CELF2: variants seen among roughly 807,000 people sequenced by gnomAD.
CELF2 encodes CUGBP Elav-like family member 2.
CELF2 carries 8 observed loss-of-function variants against 62.6 expected under a neutral mutation model. That is an observed-to-expected ratio of 0.13 (90% confidence interval 0.07 to 0.23). The LOEUF (loss-of-function observed/expected upper bound fraction) is 0.23, where lower values mean the gene tolerates loss of function less well. Ranked by LOEUF, CELF2 falls within the 10% of genes least tolerant of loss-of-function variation. CELF2 has a pLI of 1.00. For missense variants in CELF2, 333 were observed against 671.0 expected, an observed-to-expected ratio of 0.50 and a Z score of 5.56; for synonymous variants, 258 against 250.0, an observed-to-expected ratio of 1.03 and a Z score of -0.30.
At chr10:10,816,664 A>G (rs144746429) in intron 1 of CELF2, among the ~76,000 whole-genome samples, 1 of 152,354 alleles carries the variant, frequency 6.6e-6, no homozygotes, top group Non-Finnish European at 1.5e-5. Flanking sequence ...CATTCTTCAG[A>G]TGGGCCTTGG....
chr10:10,777,398 C>T, the CELF2 span, among the ~76,000 whole-genome samples: 4 of 152,204 alleles, frequency 2.6e-5, no homozygotes, highest in African/African-American at 9.7e-5. Context: ...TGCTTTCTGT[C>T]TTGAATGATG....
chr10:10,634,273 TC>T, the CELF2 span, among the ~76,000 whole-genome samples: 1 of 152,162 alleles, frequency 6.6e-6, no homozygotes, highest in African/African-American at 2.4e-5. Flanking sequence ...TATGCATATA[TC>T]TCATTAATAT....
At chr10:11,067,268 G>A (rs1473040000) in intron 1 of CELF2, among the ~76,000 whole-genome samples, 2 of 152,188 alleles carry the variant, frequency 1.3e-5, no homozygotes, top group Non-Finnish European at 2.9e-5. Flanking sequence ...AAAACACTGG[G>A]CTTACGTTAA....
the CELF2 span, among the ~76,000 whole-genome samples, chr10:10,644,187 C>G: frequency 2.0e-5 from 3 of 152,128 alleles, no homozygotes; most frequent in Non-Finnish European, 4.4e-5. Context: ...ATCTGTACTG[C>G]CTGACACTGG....
At chr10:10,622,741 G>C in the CELF2 span, among the ~76,000 whole-genome samples, 620 of 151,826 alleles carry the variant, frequency 4.1e-3, 4 homozygotes, top group African/African-American at 0.014. Flanking sequence ...GTGAAGGAGA[G>C]GAGTGCAGAC....
chr10:10,975,462 T>G (rs930098261), intron 2 of CELF2, among the ~76,000 whole-genome samples: 2 of 152,170 alleles, frequency 1.3e-5, no homozygotes, highest in Admixed American at 6.5e-5. Flanking sequence ...TTGATTTTCT[T>G]TGATGAAAGA....
At chr10:10,612,802 A>G in the CELF2 span, among the ~76,000 whole-genome samples, 1 of 152,198 alleles carries the variant, frequency 6.6e-6, no homozygotes, top group Admixed American at 6.5e-5. Flanking sequence ...TATCAGGCCC[A>G]TGTAATTTAA....
intron 9 of CELF2, among the ~76,000 whole-genome samples, chr10:11,308,656 A>T (rs935459939): frequency 6.6e-6 from 1 of 152,224 alleles, no homozygotes; most frequent in African/African-American, 2.4e-5. Flanking sequence ...TTCAGGTCAC[A>T]TTTATTTATT....
chr10:11,005,255 GGAGAGAGAGAGAGAGA>G (rs529664321), upstream of CELF2: 64 of 1,177,346 alleles, frequency 5.4e-5, no homozygotes, highest in South Asian at 8.8e-5. The surrounding 1 kb of genome is among the most constrained non-coding windows in gnomAD (Gnocchi z 4.3). Context: ...AGAGAGAGAG[GGAGAGAGAGAGAGAGA>G]GAGAGAGAGA....
At chr10:10,523,994 C>T in the CELF2 span, among the ~76,000 whole-genome samples, 1 of 152,182 alleles carries the variant, frequency 6.6e-6, no homozygotes, top group Non-Finnish European at 1.5e-5. Flanking sequence ...TATAGATAAA[C>T]TGTATGTGTT....
rs1288971648 is a variant in CELF2 at position 11,269,198 on chromosome 10, A to G, written c.619-1468A>G. On this transcript the variant is annotated intron_variant, in intron 6 of 12. Coordinates refer to ENST00000633077, the MANE Select transcript of CELF2 (RefSeq NM_001326342.2). The surrounding 1 kb of genome is among the most constrained non-coding windows in gnomAD (Gnocchi z 4.4). ...CATGGAACAGATACAGAAAAAAATG[A>G]ATTACAGATTTTTTTAAATGATGGA... Among the ~76,000 whole-genome samples, 2 of 152,196 alleles carry G rather than the reference A, an allele frequency of 1.3e-5. No homozygotes were observed. The highest frequency in any genetic ancestry group is 3.8e-4 in the East Asian group (2 of 5,206).
chr10:10,515,518 G>T, the CELF2 span, among the ~76,000 whole-genome samples: 3 of 152,176 alleles, frequency 2.0e-5, no homozygotes, highest in Admixed American at 2.0e-4. Flanking sequence ...AAGACCGAGT[G>T]ATCCTGAGAG....
chr10:10,736,326 G>C, the CELF2 span, among the ~76,000 whole-genome samples: 23,365 of 149,890 alleles, frequency 0.16, 2,028 homozygotes, highest in Non-Finnish European at 0.18. Flanking sequence ...GGCTTGTGGG[G>C]TTTGTTTGTT....
At position 11,319,665 on chromosome 10, in the gene CELF2, C is replaced by T; in HGVS notation, c.1097-1524C>T. On this transcript the variant is annotated intron_variant, in intron 10 of 12. Coordinates refer to ENST00000633077, the MANE Select transcript of CELF2 (RefSeq NM_001326342.2). The surrounding 1 kb of genome is among the most constrained non-coding windows in gnomAD (Gnocchi z 4.4). ...GCCTGCACTCAGGAGGCTGCCACTC[C>T]ATTCTCACGCCATTCACACTCGTCT... 2.4e-6 allele frequency: 1 copy of T among 419,322 alleles called. No homozygotes were observed. The allele number at this position is 419,322 out of a possible 1,614,324, so 26.0% of individuals were successfully genotyped here. A position where few individuals can be genotyped will look rare whatever the true frequency, so the allele number is the denominator to read the frequency against.
chr10:11,163,429 A>G (rs779072643), intron 1 of CELF2, among the ~76,000 whole-genome samples: 1 of 152,192 alleles, frequency 6.6e-6, no homozygotes, highest in Non-Finnish European at 1.5e-5. Flanking sequence ...CTGTACTGCA[A>G]GGGGCTCCAC....
intron 2 of CELF2, among the ~76,000 whole-genome samples, chr10:10,971,954 T>C (rs1216739878): frequency 6.6e-6 from 1 of 152,170 alleles, no homozygotes; most frequent in Non-Finnish European, 1.5e-5. Flanking sequence ...ATAAAATAGG[T>C]ATATAATTAA....
At chr10:10,668,782 AC>A in the CELF2 span, among the ~76,000 whole-genome samples, 4 of 151,974 alleles carry the variant, frequency 2.6e-5, no homozygotes, top group African/African-American at 9.7e-5. Context: ...ACATGATGAA[AC>A]CCTGTCTCTA....
chr10:11,070,702 G>A (rs1020292319), intron 1 of CELF2, among the ~76,000 whole-genome samples: 2 of 152,154 alleles, frequency 1.3e-5, no homozygotes, highest in Admixed American at 6.5e-5. Flanking sequence ...CTGAAGAGAC[G>A]ATGAGCTTGT....
the CELF2 span, among the ~76,000 whole-genome samples, chr10:10,648,807 A>C: frequency 6.6e-6 from 1 of 152,216 alleles, no homozygotes; most frequent in African/African-American, 2.4e-5. Context: ...TTATCCCAAA[A>C]TATTAGAGCA....
Sources: gnomAD v4.1 joint callset for allele counts (sites outside exome capture counted in the v4.1 genomes callset) on GRCh38, gnomAD v4.1.1 for gene constraint, Gnocchi (gnomAD v3.1) non-coding constraint, MANE v1.5 for transcripts, NCBI Gene and HGNC (gene_info 2026-07-23, HGNC 2026-07-21) for gene names.